Variants in OR6Y1 observed in about 807,000 individuals in gnomAD.
The protein encoded by OR6Y1 is olfactory receptor 6Y1.
Under a neutral mutation model 0.4 loss-of-function variants are expected in OR6Y1, and 1 was observed. The observed-to-expected ratio is 2.74, with a 90% CI of 0.97 to 13.02. OR6Y1 has a LOEUF of 13.02. Ranked by LOEUF, OR6Y1 falls within the 30% of genes most tolerant of loss-of-function variation. The probability of loss-of-function intolerance (pLI) is 0.12; values close to 1 mark genes in which losing one functional copy is unlikely to be tolerated. For synonymous variants in OR6Y1, 173 were observed against 141.1 expected (o/e 1.23, Z -1.60); for missense variants, 480 against 399.8 (o/e 1.20, Z -1.71).
chr1:158,548,364 T>A lies in OR6Y1; in HGVS notation c.-259A>T, dbSNP rs989661399. 2.6e-6 allele frequency: 1 copy of A among 379,700 alleles called. No individual in the cohort carries two copies. Among genetic ancestry groups the A allele is most frequent in the Non-Finnish European group, 4.7e-6 (1 of 211,880 alleles). The allele number at this position is 379,700 out of a possible 1,614,324, so 23.5% of individuals were successfully genotyped here. A position where few individuals can be genotyped will look rare whatever the true frequency, so the allele number is the denominator to read the frequency against. On this transcript the variant is annotated 5_prime_UTR_variant, in exon 2 of 2. Transcript: ENST00000641622. The stretch of plus-strand genomic sequence containing the variant: ...CCAAGGTCATACAAAATAGAGTTTA[T>A]AACTTTCTAAATCCCAGTTCTGTGC...
chr1:158,545,266 T>C lies in OR6Y1; in HGVS notation c.*1862A>G, dbSNP rs1406386214. ...AGATGGTAACAAAATTAGACGTTAC[T>C]TCACACCAGTTAGAATGGCTATTAT... On this transcript the variant is annotated 3_prime_UTR_variant, in exon 2 of 2. Coordinates refer to ENST00000641622, the MANE Select transcript of OR6Y1 (RefSeq NM_001005189.2). 7.0e-6 allele frequency: 1 copy of C among 143,094 alleles called. No individual in the cohort carries two copies. Among genetic ancestry groups the C allele is most frequent in the Non-Finnish European group, 1.5e-5 (1 of 66,674 alleles). The allele number at this position is 143,094 out of a possible 1,614,324, so 8.9% of individuals were successfully genotyped here.
At position 158,545,317 on chromosome 1, in the gene OR6Y1, G is replaced by A. The variant is rs1285365229; in HGVS notation, c.*1811C>T. Reference sequence around the variant, plus strand: ...TATGGACACAGGAACATCACACTCCGGGGAATGTTGTGGGTGGGGGGAGGG... The same window carrying A: ...TATGGACACAGGAACATCACACTCCAGGGAATGTTGTGGGTGGGGGGAGGG... On this transcript the variant is annotated 3_prime_UTR_variant, in exon 2 of 2. Coordinates refer to ENST00000641622, the MANE Select transcript of OR6Y1 (RefSeq NM_001005189.2). The A allele has an allele frequency of 3.7e-5, 5 of 134,876 alleles. No individual in the cohort carries two copies. Among genetic ancestry groups the A allele is most frequent in the Non-Finnish European group, 4.7e-5 (3 of 63,934 alleles). 8.4% of individuals were successfully genotyped at this position (134,876 alleles called of 1,614,324 possible).
rs768676810 is a variant in OR6Y1 at position 158,547,657 on chromosome 1, G to A, written c.449C>T (p.Ala150Val). Residue 150 changes from alanine to valine, a missense_variant, in exon 2 of 2, where the codon GCT becomes GTT. Transcript: ENST00000641622. ...IMTNQLCGTL[A>V]GGCWFCGLMT... ...GAGTCCACAGAACCAGCATCCTCCAGCCAGTGTGCCACAGAGCTGGTTGGT... is the reference window on the plus strand; with the variant it reads ...GAGTCCACAGAACCAGCATCCTCCAACCAGTGTGCCACAGAGCTGGTTGGT... 6.2e-7 allele frequency: 1 copy of A among 1,613,504 alleles called. No homozygotes were observed. The highest frequency in any genetic ancestry group is 1.1e-5 in the South Asian group (1 of 91,072).
Position 158,546,101 on chromosome 1 carries a change from C to G in OR6Y1, c.*1027G>C, listed in dbSNP as rs1647522108. 1.3e-5 allele frequency: 2 copies of G among 152,190 alleles called. No homozygotes were observed. The highest frequency in any genetic ancestry group is 4.8e-5 in the African/African-American group (2 of 41,446). The allele number at this position is 152,190 out of a possible 1,614,324, so 9.4% of individuals were successfully genotyped here. Reference sequence around the variant, plus strand: ...TTGCTCTCTGCCCTGTGTGTGTGCACATTGTCTTTCCTCTGTGTGTGTCTG... The same window carrying G: ...TTGCTCTCTGCCCTGTGTGTGTGCAGATTGTCTTTCCTCTGTGTGTGTCTG... On this transcript the variant is annotated 3_prime_UTR_variant, in exon 2 of 2. Transcript: ENST00000641622.
intron 1 of OR6Y1, among the ~76,000 whole-genome samples, chr1:158,553,626 ATT>A (rs1647758464): frequency 6.6e-6 from 1 of 152,076 alleles, no homozygotes. Flanking sequence ...TCCAGACATC[ATT>A]TTGTTTGTCA....
At position 158,547,652 on chromosome 1, in the gene OR6Y1, C is replaced by T. The variant is rs140426097; in HGVS notation, c.454G>A (p.Gly152Arg). The change falls in exon 2 of 2, where the codon GGA (glycine) becomes AGA (arginine). Residue 152 changes from glycine to arginine, a missense_variant. Coordinates refer to ENST00000641622, the MANE Select transcript of OR6Y1 (RefSeq NM_001005189.2). ...GTCATGAGTCCACAGAACCAGCATC[C>T]TCCAGCCAGTGTGCCACAGAGCTGG... ...TNQLCGTLAG[G>R]CWFCGLMTAM... is the part of the protein sequence containing the mutation. The T allele has an allele frequency of 1.4e-3, 2,303 of 1,613,526 alleles. 2 individuals carry two copies. Among genetic ancestry groups the T allele is most frequent in the Non-Finnish European group, 1.7e-3 (2,058 of 1,179,994 alleles).
chr1:158,552,882 A>C (rs1449328621), intron 1 of OR6Y1, among the ~76,000 whole-genome samples: 1 of 152,144 alleles, frequency 6.6e-6, no homozygotes, highest in African/African-American at 2.4e-5. Flanking sequence ...CCTTCAAATC[A>C]GTTTTAAAGG....
In OR6Y1 at chr1:158,552,107, GAAAATAGCTGTAAGGTCCATT is replaced by G; in HGVS notation, c.-1433+2138_-1433+2158del. Among the ~76,000 whole-genome samples, 3 of 151,972 alleles carry G rather than the reference GAAAATAGCTGTAAGGTCCATT, an allele frequency of 2.0e-5. 1 individual carries two copies. In the Middle Eastern group the frequency reaches 0.01, roughly 520 times the overall value. On this transcript the variant is annotated intron_variant, in intron 1 of 1. Transcript: ENST00000641622. ...TCTCAAAGGATAGACTTCACTGTTT[GAAAATAGCTGTAAGGTCCATT>G]AAACCTCCAATTGCCCCCCTCATCA...
chr1:158,545,904 A>G lies in OR6Y1; in HGVS notation c.*1224T>C, dbSNP rs1647516748. On this transcript the variant is annotated 3_prime_UTR_variant, in exon 2 of 2. Coordinates refer to ENST00000641622, the MANE Select transcript of OR6Y1 (RefSeq NM_001005189.2). Reference sequence around the variant, plus strand: ...GGGCTGCCATTAAAAAGTACCAAATACTGTCTCAGTATTTTTGATCTTAGG... The same window carrying G: ...GGGCTGCCATTAAAAAGTACCAAATGCTGTCTCAGTATTTTTGATCTTAGG... The G allele has an allele frequency of 6.6e-6, 1 of 152,250 alleles. No individual in the cohort carries two copies. The highest frequency in any genetic ancestry group is 2.1e-4 in the South Asian group (1 of 4,822). 9.4% of individuals were successfully genotyped at this position (152,250 alleles called of 1,614,324 possible).
Position 158,552,240 on chromosome 1 carries a change from G to GTATATATATA in OR6Y1, c.-1433+2016_-1433+2025dup, listed in dbSNP as rs143313955. Reference sequence around the variant, plus strand: ...TATGTATGTATGGAGATATATATATGTATATATATATATATATATATGGCC... The same window carrying GTATATATATA: ...TATGTATGTATGGAGATATATATATGTATATATATATATATATATATATATATATATGGCC... On this transcript the variant is annotated intron_variant, in intron 1 of 1. Coordinates refer to ENST00000641622, the MANE Select transcript of OR6Y1 (RefSeq NM_001005189.2). Among the ~76,000 whole-genome samples, 589 of 139,300 alleles carry GTATATATATA rather than the reference G, an allele frequency of 4.2e-3. 1 individual carries two copies. Among genetic ancestry groups the GTATATATATA allele is most frequent in the Middle Eastern group, 0.018 (5 of 272 alleles). 91.4% of individuals were successfully genotyped at this position (139,300 alleles called of 152,430 possible). A position where few individuals can be genotyped will look rare whatever the true frequency, so the allele number is the denominator to read the frequency against.
rs1236563266 is a variant in OR6Y1 at position 158,546,112 on chromosome 1, C to T, written c.*1016G>A. 1 of 152,126 alleles carries T rather than the reference C, an allele frequency of 6.6e-6. No homozygotes were observed. Among genetic ancestry groups the T allele is most frequent in the Admixed American group, 6.6e-5 (1 of 15,254 alleles). 9.4% of individuals were successfully genotyped at this position (152,126 alleles called of 1,614,324 possible). A position where few individuals can be genotyped will look rare whatever the true frequency, so the allele number is the denominator to read the frequency against. ...CCTGTGTGTGTGCACATTGTCTTTCCTCTGTGTGTGTCTGTGTCCAAATTT... is the reference window on the plus strand; with the variant it reads ...CCTGTGTGTGTGCACATTGTCTTTCTTCTGTGTGTGTCTGTGTCCAAATTT... On this transcript the variant is annotated 3_prime_UTR_variant, in exon 2 of 2. Coordinates refer to ENST00000641622, the MANE Select transcript of OR6Y1 (RefSeq NM_001005189.2).
Position 158,547,118 on chromosome 1 carries a change from T to C in OR6Y1, c.*10A>G, listed in dbSNP as rs546551140. 2 of 1,606,556 alleles carry C rather than the reference T, an allele frequency of 1.2e-6. No homozygotes were observed. Among genetic ancestry groups the C allele is most frequent in the East Asian group, 2.2e-5 (1 of 44,858 alleles). ...TCTCAGTTCAAGCCTGAAAGGAATC[T>C]ATACATTTTTTAACTACTGAAAGCC... On this transcript the variant is annotated 3_prime_UTR_variant, in exon 2 of 2. Coordinates refer to ENST00000641622, the MANE Select transcript of OR6Y1 (RefSeq NM_001005189.2).
At position 158,545,283 on chromosome 1, in the gene OR6Y1, G is replaced by C. The variant is rs1056360321; in HGVS notation, c.*1845C>G. On this transcript the variant is annotated 3_prime_UTR_variant, in exon 2 of 2. Coordinates refer to ENST00000641622, the MANE Select transcript of OR6Y1 (RefSeq NM_001005189.2). ...GACGTTACTTCACACCAGTTAGAAT[G>C]GCTATTATTATGGACACAGGAACAT... 1 of 141,754 alleles carries C rather than the reference G, an allele frequency of 7.1e-6. No homozygotes were observed. Among genetic ancestry groups the C allele is most frequent in the Non-Finnish European group, 1.5e-5 (1 of 66,318 alleles). The allele number at this position is 141,754 out of a possible 1,614,324, so 8.8% of individuals were successfully genotyped here. A position where few individuals can be genotyped will look rare whatever the true frequency, so the allele number is the denominator to read the frequency against.
At position 158,544,860 on chromosome 1, in the gene OR6Y1, A is replaced by G. The variant is rs1288452127; in HGVS notation, c.*2268T>C. ...TCCCATCCATGTTCCCGGAAAGGAC[A>G]TGATCTAATTTTTTTTTATGGCTGC... On this transcript the variant is annotated 3_prime_UTR_variant, in exon 2 of 2. Coordinates refer to ENST00000641622, the MANE Select transcript of OR6Y1 (RefSeq NM_001005189.2). 2 of 152,078 alleles carry G rather than the reference A, an allele frequency of 1.3e-5. No individual in the cohort carries two copies. Among genetic ancestry groups the G allele is most frequent in the Non-Finnish European group, 2.9e-5 (2 of 68,020 alleles). The allele number at this position is 152,078 out of a possible 1,614,324, so 9.4% of individuals were successfully genotyped here. A position where few individuals can be genotyped will look rare whatever the true frequency, so the allele number is the denominator to read the frequency against.
Position 158,549,538 on chromosome 1 carries a change from C to A in OR6Y1, c.-1432-1G>T, listed in dbSNP as rs981999191. On this transcript the variant is annotated splice_acceptor_variant, in intron 1 of 1. Coordinates refer to ENST00000641622, the MANE Select transcript of OR6Y1 (RefSeq NM_001005189.2). LOFTEE classifies it low-confidence loss of function (5UTR_SPLICE). ...CCACTTAGATTTCAGCTTTAGATTC[C>A]TGAAAGAAAGGCAGAATAGAAAGGC... The A allele has an allele frequency of 1.3e-5, 2 of 151,384 alleles. No individual in the cohort carries two copies. The highest frequency in any genetic ancestry group is 6.6e-5 in the Admixed American group (1 of 15,214). 9.4% of individuals were successfully genotyped at this position (151,384 alleles called of 1,614,324 possible).
rs995045503 is a variant in OR6Y1, at chr1:158,549,204, C to T, written c.-1099G>A. ...ACAAGCAAGAATTCTATTAGTGACT[C>T]TTCTGCATTTCTGTTCATTAATTTA... On this transcript the variant is annotated 5_prime_UTR_variant, in exon 2 of 2. Transcript: ENST00000641622. 3 of 151,822 alleles carry T rather than the reference C, an allele frequency of 2.0e-5. No homozygotes were observed. The highest frequency in any genetic ancestry group is 4.4e-5 in the Non-Finnish European group (3 of 68,036). The allele number at this position is 151,822 out of a possible 1,614,324, so 9.4% of individuals were successfully genotyped here. A position where few individuals can be genotyped will look rare whatever the true frequency, so the allele number is the denominator to read the frequency against.
intron 1 of OR6Y1, among the ~76,000 whole-genome samples, chr1:158,552,556 T>C (rs553254860): frequency 6.6e-6 from 1 of 152,164 alleles, no homozygotes; most frequent in African/African-American, 2.4e-5. Context: ...AATGACCTAC[T>C]CTGTTGTTTG....
At chr1:158,550,454 T>C (rs755297546) in intron 1 of OR6Y1, among the ~76,000 whole-genome samples, 10 of 151,304 alleles carry the variant, frequency 6.6e-5, no homozygotes, top group Non-Finnish European at 1.0e-4. Context: ...AAAGAACATC[T>C]GATTAAGCAG....
intron 1 of OR6Y1, among the ~76,000 whole-genome samples, chr1:158,551,703 T>C (rs1647707251): frequency 6.6e-6 from 1 of 151,242 alleles, no homozygotes; most frequent in Admixed American, 6.6e-5. Flanking sequence ...AAAAAATATA[T>C]ATATTTTAGC....
Sources: gnomAD v4.1 joint callset for allele counts (sites outside exome capture counted in the v4.1 genomes callset) on GRCh38, gnomAD v4.1.1 for gene constraint, MANE v1.5 for transcripts, NCBI Gene and HGNC (gene_info 2026-07-23, HGNC 2026-07-21) for gene names.